Variants in ABCB5 observed in about 807,000 individuals in gnomAD.
ABCB5 encodes ATP-binding cassette sub-family B member 5.
ABCB5 carries 155 observed loss-of-function variants against 144.2 expected under a neutral mutation model. The observed-to-expected ratio is 1.08, with a 90% CI of 0.94 to 1.23. The LOEUF is 1.23. Ranked by LOEUF, ABCB5 falls within the 50% of genes most tolerant of loss-of-function variation. The pLI, the probability that ABCB5 is intolerant of heterozygous loss-of-function variation, is 0.00. For synonymous variants in ABCB5, 610 were observed against 528.6 expected, an observed-to-expected ratio of 1.15 and a Z score of -2.11; for missense variants, 1,830 against 1,520.8, an observed-to-expected ratio of 1.20 and a Z score of -3.38.
intron 16 of ABCB5, among the ~76,000 whole-genome samples, chr7:20,696,481 G>A (rs993041000): frequency 6.6e-6 from 1 of 151,958 alleles, no homozygotes; most frequent in Non-Finnish European, 1.5e-5. Context: ...AACTTCTAGG[G>A]GTAATGGATA....
chr7:20,670,360 T>A (rs1785421464), intron 14 of ABCB5, among the ~76,000 whole-genome samples: 2 of 144,890 alleles, frequency 1.4e-5, no homozygotes, highest in South Asian at 2.2e-4. Flanking sequence ...TTTCTGTAAA[T>A]CTAAAGCTAT....
chr7:20,620,376 A>G (rs76218383), intron 1 of ABCB5, among the ~76,000 whole-genome samples: 7,642 of 152,216 alleles, frequency 0.05, 554 homozygotes, highest in African/African-American at 0.15. Flanking sequence ...AAAAACACAC[A>G]CAAAAACAAT....
intron 14 of ABCB5, among the ~76,000 whole-genome samples, chr7:20,667,812 A>G (rs535004260): frequency 7.6e-4 from 112 of 148,060 alleles, no homozygotes; most frequent in African/African-American, 2.8e-3. Context: ...GGCTCACTGC[A>G]ACCTCCCTGC....
chr7:20,629,037 AAAATAAAT>A (rs201079745), intron 4 of ABCB5, among the ~76,000 whole-genome samples, 199 bp downstream of exon 4: 4 of 151,986 alleles, frequency 2.6e-5, no homozygotes, highest in East Asian at 1.9e-4. Context: ...TAATTGAATT[AAAATAAAT>A]AAATAAATAA....
intron 14 of ABCB5, among the ~76,000 whole-genome samples, chr7:20,674,858 T>C (rs906637294): frequency 5.9e-5 from 9 of 151,790 alleles, no homozygotes; most frequent in Non-Finnish European, 1.3e-4. Flanking sequence ...TAGTTGCATT[T>C]CTGTTCACAA....
chr7:20,728,508 C>A, intron 23 of ABCB5, 53 bp downstream of exon 23: 4 of 1,584,018 alleles, frequency 2.5e-6, no homozygotes, highest in Non-Finnish European at 3.4e-6. Context: ...AATTCCAACA[C>A]TTTGAGAGGC....
chr7:20,659,479 T>G (rs1784927354), intron 14 of ABCB5: 1 of 1,059,676 alleles, frequency 9.4e-7, no homozygotes, highest in African/African-American at 1.7e-5. Context: ...GCAGGCTAAA[T>G]GTCCACTGCT....
intron 13 of ABCB5, 67 bp from the exon 14 acceptor site, chr7:20,658,439 A>G: frequency 6.7e-7 from 1 of 1,500,824 alleles, no homozygotes; most frequent in Non-Finnish European, 9.1e-7. Context: ...TGGGATTGTC[A>G]TTTCCTGTTC....
intron 16 of ABCB5, among the ~76,000 whole-genome samples, chr7:20,688,152 C>T (rs2128040656): frequency 6.6e-6 from 1 of 152,172 alleles, no homozygotes; most frequent in South Asian, 2.1e-4. Context: ...AAGATCATGC[C>T]ACTGCACTCC....
chr7:20,646,890 G>C (rs1277478013), intron 9 of ABCB5, among the ~76,000 whole-genome samples: 1 of 152,152 alleles, frequency 6.6e-6, no homozygotes, highest in Admixed American at 6.6e-5. Flanking sequence ...AGTGAAATGT[G>C]AGCATGAACG....
chr7:20,744,116 G>A (rs1330013881), intron 25 of ABCB5, among the ~76,000 whole-genome samples: 1 of 152,092 alleles, frequency 6.6e-6, no homozygotes, highest in Non-Finnish European at 1.5e-5. Context: ...CCAGGCTGGA[G>A]TACAGTGGCG....
At chr7:20,617,477 T>C (rs1029122781) in intron 1 of ABCB5, among the ~76,000 whole-genome samples, 1 of 152,238 alleles carries the variant, frequency 6.6e-6, no homozygotes, top group Non-Finnish European at 1.5e-5. Flanking sequence ...TTTTAAACTT[T>C]ATTTTTATAA....
chr7:20,734,014 A>G (rs1051009219), intron 23 of ABCB5, among the ~76,000 whole-genome samples: 4 of 152,296 alleles, frequency 2.6e-5, no homozygotes, highest in African/African-American at 9.6e-5. Flanking sequence ...TGGACAAAAG[A>G]GAGATTCTCT....
chr7:20,698,619 T>C lies in ABCB5; in HGVS notation c.2154+69T>C, dbSNP rs940226469. 1.9e-5 allele frequency: 27 copies of C among 1,457,482 alleles called. No homozygotes were observed. In the Admixed American group the frequency reaches 6.5e-4, roughly 35 times the overall value. 90.3% of individuals were successfully genotyped at this position (1,457,482 alleles called of 1,614,324 possible). A position where few individuals can be genotyped will look rare whatever the true frequency, so the allele number is the denominator to read the frequency against. ...AGTATGACCTGAGAGAACAAGCTTG[T>C]ATCAGTCTAAACCACAAGGGGAAAA... On this transcript the variant is annotated intron_variant, in intron 17 of 27. Transcript: ENST00000404938.
chr7:20,661,274 C>A (rs533554219), intron 14 of ABCB5, among the ~76,000 whole-genome samples: 17 of 152,358 alleles, frequency 1.1e-4, no homozygotes, highest in African/African-American at 4.1e-4. Context: ...ACAATGCCTG[C>A]TTCTTAAACA....
At chr7:20,620,918 G>C (rs1179745232) in intron 1 of ABCB5, among the ~76,000 whole-genome samples, 1 of 151,744 alleles carries the variant, frequency 6.6e-6, no homozygotes, top group Non-Finnish European at 1.5e-5. Flanking sequence ...CTGAAACGAG[G>C]ATACTCAAAC....
chr7:20,639,352 TC>T (rs1160924556), intron 5 of ABCB5, among the ~76,000 whole-genome samples: 2 of 152,170 alleles, frequency 1.3e-5, no homozygotes, highest in African/African-American at 4.8e-5. Context: ...GTTTTTAACT[TC>T]GGTAAAGTTC....
Position 20,626,559 on chromosome 7 carries a change from C to A in ABCB5, c.56C>A (p.Thr19Asn). Residue 19 changes from threonine to asparagine, a missense_variant and splice_region_variant, in exon 3 of 28, where the codon ACT becomes AAT. Physicochemically the swap from Thr to Asn is moderately conservative, Grantham distance 65. Coordinates refer to ENST00000404938, the MANE Select transcript of ABCB5 (RefSeq NM_001163941.2). ...EMQENYQRNG[T>N]AEEQPKLRKE... is the part of the protein sequence containing the mutation. ...CATTTTGAACTTTTATTTTCCAGAA[C>A]TGCAGAAGAACAGCCAAAACTGAGA... is the stretch of plus-strand genomic sequence containing the variant. 4 of 1,606,284 alleles carry A rather than the reference C, an allele frequency of 2.5e-6. No individual in the cohort carries two copies. Among genetic ancestry groups the A allele is most frequent in the Non-Finnish European group, 3.4e-6 (4 of 1,176,202 alleles).
intron 9 of ABCB5, chr7:20,647,201 T>C (rs1300228421): frequency 1.2e-6 from 1 of 836,674 alleles, no homozygotes; most frequent in East Asian, 9.5e-5. Context: ...CACCATGGGG[T>C]TTATACATGG....
Sources: gnomAD v4.1 joint callset for allele counts (sites outside exome capture counted in the v4.1 genomes callset) on GRCh38, gnomAD v4.1.1 for gene constraint, MANE v1.5 for transcripts, NCBI Gene and HGNC (gene_info 2026-07-23, HGNC 2026-07-21) for gene names.